ZC3H11A: variants seen among roughly 807,000 people sequenced by gnomAD.
The protein encoded by ZC3H11A is zinc finger CCCH domain-containing protein 11A.
ZC3H11A carries 22 observed loss-of-function variants against 90.8 expected under a neutral mutation model. The ratio of observed to expected loss-of-function variants is 0.24; its 90% CI spans 0.17 to 0.35. The LOEUF is 0.35. Among genes scored for constraint, ZC3H11A ranks in the 10% least tolerant of loss-of-function variants. The probability of loss-of-function intolerance (pLI) is 1.00; values close to 1 mark genes in which losing one functional copy is unlikely to be tolerated. For synonymous variants in ZC3H11A, 294 were observed against 339.8 expected (o/e 0.87, Z 1.48); for missense variants, 701 against 964.9 (o/e 0.73, Z 3.62).
intron 2 of ZC3H11A, among the ~76,000 whole-genome samples, chr1:203,815,555 T>C (rs188656568): frequency 3.3e-5 from 5 of 152,204 alleles, no homozygotes; most frequent in Admixed American, 2.6e-4. Context: ...ATAACATTTA[T>C]TGTGCATTGT....
At chr1:203,830,465 A>G (rs533015337) in intron 8 of ZC3H11A, among the ~76,000 whole-genome samples, 3 of 152,356 alleles carry the variant, frequency 2.0e-5, no homozygotes, top group East Asian at 1.9e-4. Context: ...AGAACATCAT[A>G]TAAGAACTAT....
At chr1:203,824,183 G>A (rs1417357872) in intron 4 of ZC3H11A, among the ~76,000 whole-genome samples, 1 of 151,106 alleles carries the variant, frequency 6.6e-6, no homozygotes, top group Non-Finnish European at 1.5e-5. Context: ...CAGGAGAATC[G>A]CTTGAACCTG....
chr1:203,805,771 T>TC (rs1672114967), intron 2 of ZC3H11A: 2 of 691,334 alleles, frequency 2.9e-6, no homozygotes, highest in Non-Finnish European at 5.5e-6. Context: ...ACCCAGTGTA[T>TC]CCAACTCTGC....
intron 1 of ZC3H11A, chr1:203,797,391 G>T: frequency 2.4e-6 from 2 of 823,558 alleles, no homozygotes; most frequent in Non-Finnish European, 1.8e-6. Context: ...GGAAGTTATT[G>T]GTCCAGTGGG....
intron 14 of ZC3H11A, among the ~76,000 whole-genome samples, chr1:203,848,731 CA>C (rs923909710): frequency 3.9e-5 from 6 of 152,108 alleles, no homozygotes; most frequent in Non-Finnish European, 8.8e-5. Flanking sequence ...ACTAAAAATA[CA>C]AAAAATAAAG....
intron 8 of ZC3H11A, among the ~76,000 whole-genome samples, chr1:203,830,807 CAAAAAAGAA>C (rs1416182834): frequency 6.7e-6 from 1 of 149,552 alleles, no homozygotes; most frequent in Non-Finnish European, 1.5e-5. Flanking sequence ...GACTCTGTCT[CAAAAAAGAA>C]AAAAAAGGAA....
intron 8 of ZC3H11A, among the ~76,000 whole-genome samples, chr1:203,830,847 A>C (rs1275245528): frequency 6.6e-6 from 1 of 151,486 alleles, no homozygotes; most frequent in East Asian, 1.9e-4. Flanking sequence ...TTCTAGTAGA[A>C]GAGTTCTTCC....
chr1:203,842,813 TTC>T (rs1383332130), intron 12 of ZC3H11A, among the ~76,000 whole-genome samples: 5 of 151,644 alleles, frequency 3.3e-5, no homozygotes, highest in African/African-American at 1.2e-4. Flanking sequence ...TTTATATTCT[TTC>T]TGTGTTATAA....
chr1:203,830,798 A>C (rs1028001590), intron 8 of ZC3H11A, among the ~76,000 whole-genome samples: 4 of 151,206 alleles, frequency 2.6e-5, no homozygotes, highest in African/African-American at 9.7e-5. Flanking sequence ...ACAGATCAAG[A>C]CTCTGTCTCA....
At chr1:203,841,157 ATTTT>A (rs76329142) in intron 12 of ZC3H11A, among the ~76,000 whole-genome samples, 1 of 110,344 alleles carries the variant, frequency 9.1e-6, no homozygotes, top group Non-Finnish European at 2.0e-5. Flanking sequence ...TTTTTTTTTT[ATTTT>A]TTTTTTTAGT....
At chr1:203,800,698 G>T in intron 1 of ZC3H11A, 2 of 342,260 alleles carry the variant, frequency 5.8e-6, no homozygotes, top group Admixed American at 4.6e-5. Context: ...TGAGAGAGAA[G>T]ATATTTTTAA....
At chr1:203,835,184 C>T (rs1327271093) in intron 10 of ZC3H11A, among the ~76,000 whole-genome samples, 8 of 152,134 alleles carry the variant, frequency 5.3e-5, no homozygotes, top group Non-Finnish European at 1.0e-4. Flanking sequence ...AAACTTTCAG[C>T]GATGAGATAA....
Position 203,810,976 on chromosome 1 carries a change from C to CA in ZC3H11A, c.-145-5935dup, listed in dbSNP as rs879833403. 2.9e-3 allele frequency among the ~76,000 whole-genome samples: 325 copies of CA among 111,508 alleles called. 2 individuals carry two copies. The highest frequency in any genetic ancestry group is 0.011 in the Middle Eastern group (2 of 190). 73.2% of individuals were successfully genotyped at this position (111,508 alleles called of 152,430 possible). ...TGAAACTCCATCTCTACTAAAAATA[C>CA]AAAAAAAAAAAAAAATTAGCAGGGT... On this transcript the variant is annotated intron_variant, in intron 2 of 17. Coordinates refer to ENST00000367210, the MANE Select transcript of ZC3H11A (RefSeq NM_001376342.1).
At chr1:203,845,732 G>C (rs1230862184) in intron 12 of ZC3H11A, among the ~76,000 whole-genome samples, 1 of 152,024 alleles carries the variant, frequency 6.6e-6, no homozygotes, top group Non-Finnish European at 1.5e-5. Flanking sequence ...AGGCGTGGTC[G>C]TGGGCACCTG....
rs1672069009 is a variant in ZC3H11A, at chr1:203,805,643, C to A, written c.-146+2627C>A. ...GTATGAAGCAGGGATCTGTGGCAAT[C>A]CAAATTCATCCACCAGAACTCCATC... On this transcript the variant is annotated intron_variant, in intron 2 of 17. Transcript: ENST00000367210. 4.3e-6 allele frequency: 3 copies of A among 700,092 alleles called. No homozygotes were observed. The East Asian group carries it at 1.2e-4, about 27-fold the overall frequency. 43.4% of individuals were successfully genotyped at this position (700,092 alleles called of 1,614,324 possible).
chr1:203,825,560 G>T (rs1022983857), intron 4 of ZC3H11A, among the ~76,000 whole-genome samples: 1 of 149,416 alleles, frequency 6.7e-6, no homozygotes, highest in Admixed American at 6.8e-5. Flanking sequence ...TCAGCCTCCC[G>T]CATAGCTGGG....
chr1:203,833,838 C>T lies in ZC3H11A; in HGVS notation c.859C>T (p.Arg287Ter), dbSNP rs1558128735. Reference protein sequence around the residue: ...RLSLTERLGKRKFSAGGDSDP... With the variant: ...RLSLTERLGK ...GAGTCTTACTGAGAGACTGGGGAAA[C>T]GAAAATTTTCAGCAGGTAAGATAAG... Residue 287 changes from arginine to a stop codon, truncating the protein, a stop_gained, in exon 10 of 18, where the codon CGA becomes TGA. Transcript: ENST00000367210. LOFTEE classifies it high-confidence loss of function. The T allele has an allele frequency of 1.2e-6, 2 of 1,609,478 alleles. No homozygotes were observed. The highest frequency in any genetic ancestry group is 1.7e-6 in the Non-Finnish European group (2 of 1,178,208).
rs940007512 is a variant in ZC3H11A at position 203,854,063 on chromosome 1, T to C, written c.*1664T>C. 2 of 152,670 alleles carry C rather than the reference T, an allele frequency of 1.3e-5. No individual in the cohort carries two copies. The highest frequency in any genetic ancestry group is 2.9e-5 in the Non-Finnish European group (2 of 68,050). 9.5% of individuals were successfully genotyped at this position (152,670 alleles called of 1,614,324 possible). A position where few individuals can be genotyped will look rare whatever the true frequency, so the allele number is the denominator to read the frequency against. ...TTCGTGTTCCGCATTATTTGAACCA[T>C]TTGCCCTTACAGAAAGAGAAATACT... is the stretch of plus-strand genomic sequence containing the variant. On this transcript the variant is annotated 3_prime_UTR_variant, in exon 18 of 18. Coordinates refer to ENST00000367210, the MANE Select transcript of ZC3H11A (RefSeq NM_001376342.1).
Position 203,831,603 on chromosome 1 carries a change from C to T in ZC3H11A, c.701-58C>T, listed in dbSNP as rs1257042719. The T allele has an allele frequency of 6.0e-6, 9 of 1,488,838 alleles. No individual in the cohort carries two copies. The South Asian group carries it at 7.1e-5, about 12-fold the overall frequency. The allele number at this position is 1,488,838 out of a possible 1,614,324, so 92.2% of individuals were successfully genotyped here. On this transcript the variant is annotated intron_variant, in intron 8 of 17. Transcript: ENST00000367210. ...CTGGTTACAAAAACAAATTTTTTGA[C>T]TTGGGATAGCATTATTTTCCATAAA...
Sources: gnomAD v4.1 joint callset for allele counts (sites outside exome capture counted in the v4.1 genomes callset) on GRCh38, gnomAD v4.1.1 for gene constraint, MANE v1.5 for transcripts, NCBI Gene and HGNC (gene_info 2026-07-23, HGNC 2026-07-21) for gene names.